The following DYRK1A variants were observed in gnomAD, a reference collection of about 807,000 sequenced individuals.
The protein encoded by DYRK1A is dual specificity tyrosine phosphorylation regulated kinase 1A.
Under a neutral mutation model 79.7 loss-of-function variants are expected in DYRK1A, and 9 were observed. The observed-to-expected ratio is 0.11, with a 90% confidence interval of 0.07 to 0.20. DYRK1A has a LOEUF of 0.20. DYRK1A is among the 10% of genes least tolerant of loss of function. DYRK1A has a pLI of 1.00. For synonymous variants in DYRK1A, 349 were observed against 329.7 expected (o/e 1.06, Z -0.63); for missense variants, 622 against 956.0 (o/e 0.65, Z 4.61).
intron 11 of DYRK1A, among the ~76,000 whole-genome samples, chr21:37,510,704 C>T (rs762863651): frequency 1.3e-5 from 2 of 152,062 alleles, no homozygotes; most frequent in Non-Finnish European, 2.9e-5. Context: ...AGGTCCTGAT[C>T]TCCTACCATC....
intron 1 of DYRK1A, chr21:37,368,190 C>G (rs922430683): frequency 6.6e-6 from 1 of 152,198 alleles, no homozygotes; most frequent in African/African-American, 2.4e-5. Flanking sequence ...GGGGCACTCA[C>G]TGGCCTCCGA....
rs572433258 is a variant in DYRK1A, at chr21:37,498,647, G to A, written c.1212+2389G>A. ...TGGGACTATTATGAATAAGGCTGCA[G>A]GGAACAGTCTTTTATACATATGTTT... On this transcript the variant is annotated intron_variant, in intron 9 of 11. Transcript: ENST00000647188. Among the ~76,000 whole-genome samples, 36 of 152,232 alleles carry A rather than the reference G, an allele frequency of 2.4e-4. No homozygotes were observed. The South Asian group carries it at 7.3e-3, about 31-fold the overall frequency.
chr21:37,403,090 G>C (rs773967835), intron 1 of DYRK1A, among the ~76,000 whole-genome samples: 1 of 152,010 alleles, frequency 6.6e-6, no homozygotes, highest in African/African-American at 2.4e-5. Flanking sequence ...CTATTGATCT[G>C]TCTTCCAAGT....
chr21:37,479,739 T>TGCCTCA, intron 4 of DYRK1A, among the ~76,000 whole-genome samples: 1 of 149,904 alleles, frequency 6.7e-6, no homozygotes, highest in East Asian at 2.0e-4. Flanking sequence ...ACCTTTCTCC[T>TGCCTCA]GCCTCAGCCT....
chr21:37,503,176 T>C (rs1202520575), intron 9 of DYRK1A: 1 of 152,230 alleles, frequency 6.6e-6, no homozygotes, highest in African/African-American at 2.4e-5. Flanking sequence ...CATCAGTTTT[T>C]GAAAATCCTC....
intron 1 of DYRK1A, among the ~76,000 whole-genome samples, chr21:37,405,832 C>G (rs945863993): frequency 9.9e-5 from 15 of 152,170 alleles, no homozygotes; most frequent in African/African-American, 3.4e-4. Flanking sequence ...ACAGTGACAG[C>G]AAGCCTCACT....
At position 37,514,811 on chromosome 21, in the gene DYRK1A, G is replaced by T. The variant is rs909276020; in HGVS notation, c.*2280G>T. Reference sequence around the variant, plus strand: ...TAGTTACTGCTGTTTAGGAATATAAGGTTAAGATATCATATGGGTCAGGTC... The same window carrying T: ...TAGTTACTGCTGTTTAGGAATATAATGTTAAGATATCATATGGGTCAGGTC... On this transcript the variant is annotated 3_prime_UTR_variant, in exon 12 of 12. Coordinates refer to ENST00000647188, the MANE Select transcript of DYRK1A (RefSeq NM_001347721.2). The T allele has an allele frequency of 6.6e-6, 1 of 152,514 alleles. No homozygotes were observed. The highest frequency in any genetic ancestry group is 1.5e-5 in the Non-Finnish European group (1 of 68,030). The allele number at this position is 152,514 out of a possible 1,614,324, so 9.4% of individuals were successfully genotyped here.
chr21:37,437,450 A>C (rs1006697935), intron 2 of DYRK1A, among the ~76,000 whole-genome samples: 1 of 152,164 alleles, frequency 6.6e-6, no homozygotes, highest in African/African-American at 2.4e-5. Flanking sequence ...ATGGGTTAAA[A>C]GTTTTTAAAA....
intron 2 of DYRK1A, among the ~76,000 whole-genome samples, chr21:37,445,187 T>C (rs2051227443): frequency 6.6e-6 from 1 of 152,188 alleles, no homozygotes; most frequent in African/African-American, 2.4e-5. Context: ...AGGGAATTAA[T>C]ACTATAAAGT....
intron 1 of DYRK1A, among the ~76,000 whole-genome samples, chr21:37,409,950 A>G (rs1006290469): frequency 2.0e-5 from 3 of 152,208 alleles, no homozygotes; most frequent in South Asian, 2.1e-4. Flanking sequence ...ATTTTTAATG[A>G]TAAACTTTTG....
intron 2 of DYRK1A, among the ~76,000 whole-genome samples, chr21:37,465,669 T>C (rs2052000966): frequency 6.6e-6 from 1 of 152,086 alleles, no homozygotes; most frequent in South Asian, 2.1e-4. Context: ...AAACTCTGTC[T>C]CTACTAAAAA....
At chr21:37,433,071 TGAA>T (rs1208041883) in intron 2 of DYRK1A, among the ~76,000 whole-genome samples, 2 of 148,650 alleles carry the variant, frequency 1.3e-5, no homozygotes, top group Non-Finnish European at 3.0e-5. Context: ...ATATATGTAA[TGAA>T]GATTTTAGTT....
chr21:37,433,809 AT>A (rs1160438706), intron 2 of DYRK1A, among the ~76,000 whole-genome samples: 1 of 152,254 alleles, frequency 6.6e-6, no homozygotes, highest in African/African-American at 2.4e-5. Flanking sequence ...TGTGACTAAA[AT>A]ATTGATTATT....
chr21:37,462,678 A>G (rs867585401), intron 2 of DYRK1A, among the ~76,000 whole-genome samples: 1 of 152,158 alleles, frequency 6.6e-6, no homozygotes, highest in African/African-American at 2.4e-5. Context: ...CACAAATTCC[A>G]GCCAATTCAG....
rs907770659 is a variant in DYRK1A, at chr21:37,519,231, A to C, written c.*6700A>C. 2.0e-4 allele frequency: 30 copies of C among 152,282 alleles called. No individual in the cohort carries two copies. The highest frequency in any genetic ancestry group is 7.2e-4 in the African/African-American group (30 of 41,546). The allele number at this position is 152,282 out of a possible 1,614,324, so 9.4% of individuals were successfully genotyped here. A position where few individuals can be genotyped will look rare whatever the true frequency, so the allele number is the denominator to read the frequency against. ...CTCATCTGGTCTTGTAAGCCGGTGA[A>C]GGGTTTCCCAGGGCACCAGCCACCA... is the stretch of plus-strand genomic sequence containing the variant. On this transcript the variant is annotated 3_prime_UTR_variant, in exon 12 of 12. Coordinates refer to ENST00000647188, the MANE Select transcript of DYRK1A (RefSeq NM_001347721.2).
At chr21:37,394,226 CTTT>C (rs10593016) in intron 1 of DYRK1A, among the ~76,000 whole-genome samples, 24 of 144,062 alleles carry the variant, frequency 1.7e-4, no homozygotes, top group Middle Eastern at 3.5e-3. Flanking sequence ...TTTTTAAACC[CTTT>C]TTTTTTTTTC....
intron 1 of DYRK1A, among the ~76,000 whole-genome samples, chr21:37,373,964 AAT>A (rs775913683): frequency 3.3e-5 from 5 of 152,232 alleles, no homozygotes; most frequent in Middle Eastern, 3.2e-3. Flanking sequence ...TTTAATCATT[AAT>A]TTTTTAAACT....
chr21:37,417,357 A>AT (rs958257929), intron 1 of DYRK1A, among the ~76,000 whole-genome samples: 2 of 150,920 alleles, frequency 1.3e-5, no homozygotes, highest in African/African-American at 2.4e-5. Flanking sequence ...CGCCCAGCTA[A>AT]TTTTTTTTGT....
At chr21:37,471,210 A>G (rs142057604) in intron 2 of DYRK1A, among the ~76,000 whole-genome samples, 1 of 152,354 alleles carries the variant, frequency 6.6e-6, no homozygotes, top group African/African-American at 2.4e-5. Context: ...GTGGTGATGT[A>G]GATGAAAAGG....
Sources: gnomAD v4.1 joint callset for allele counts (sites outside exome capture counted in the v4.1 genomes callset) on GRCh38, gnomAD v4.1.1 for gene constraint, MANE v1.5 for transcripts, NCBI Gene and HGNC (gene_info 2026-07-23, HGNC 2026-07-21) for gene names.